Variants in RGL3 observed in about 807,000 individuals in gnomAD.
The protein encoded by RGL3 is ral guanine nucleotide dissociation stimulator-like 3.
RGL3 carries 85 observed loss-of-function variants against 90.6 expected under a neutral mutation model. The ratio of observed to expected loss-of-function variants is 0.94; its 90% CI spans 0.79 to 1.12. The LOEUF (loss-of-function observed/expected upper bound fraction) is 1.12, where lower values mean the gene tolerates loss of function less well. RGL3 is among the 50% of genes most tolerant of loss of function. RGL3 has a pLI of 0.00. For synonymous variants in RGL3, 408 were observed against 385.5 expected (o/e 1.06, Z -0.68); for missense variants, 1,034 against 939.2 (o/e 1.10, Z -1.32).
chr19:11,406,331 A>G, intron 7 of RGL3, 88 bp downstream of exon 7: 1 of 1,289,772 alleles, frequency 7.8e-7, no homozygotes, highest in Non-Finnish European at 1.1e-6. Flanking sequence ...CCTCGCCTAG[A>G]CTCGCCCCTA....
In RGL3 at chr19:11,408,580, A is replaced by G. The variant is rs1968821835; in HGVS notation, c.638-1716T>C. On this transcript the variant is annotated intron_variant, in intron 5 of 18. Transcript: ENST00000380456. ...CAGCCTGGCGACAGAGCGAGACTCC[A>G]TCTCAAAAAAAAAAAAAAAGATCAT... is the stretch of plus-strand genomic sequence containing the variant. Among the ~76,000 whole-genome samples the G allele has an allele frequency of 4.2e-5, 6 of 144,242 alleles. No homozygotes were observed. The South Asian group carries it at 1.4e-3, about 35-fold the overall frequency. 94.6% of individuals were successfully genotyped at this position (144,242 alleles called of 152,430 possible). A position where few individuals can be genotyped will look rare whatever the true frequency, so the allele number is the denominator to read the frequency against.
intron 5 of RGL3, among the ~76,000 whole-genome samples, chr19:11,407,383 T>C (rs1361167222): frequency 6.6e-6 from 1 of 151,960 alleles, no homozygotes; most frequent in Non-Finnish European, 1.5e-5. Context: ...GTGAGTCCAG[T>C]GAGGGAGGTA....
In RGL3 at chr19:11,404,979, G is replaced by A. The variant is rs533568377; in HGVS notation, c.1185+168C>T. On this transcript the variant is annotated intron_variant, in intron 9 of 18. Transcript: ENST00000380456. ...ACAGTCAACTATAACGCAGGAAGTA[G>A]AGGAAAGAAAAACGTGCAACCCGCC... Among the ~76,000 whole-genome samples the A allele has an allele frequency of 2.0e-5, 3 of 152,228 alleles. No homozygotes were observed. In the East Asian group the frequency reaches 5.8e-4, roughly 29 times the overall value.
At chr19:11,402,612 G>A (rs1231026740) in intron 10 of RGL3, 38 bp downstream of exon 10, 2 of 1,612,986 alleles carry the variant, frequency 1.2e-6, no homozygotes, top group Admixed American at 1.7e-5. Flanking sequence ...CCTCCCTGAA[G>A]GTCCCACTTG....
At position 11,419,286 on chromosome 19, in the gene RGL3, G is replaced by T. The variant is rs1403034359; in HGVS notation, c.-8C>A. The T allele has an allele frequency of 1.9e-6, 3 of 1,561,662 alleles. No homozygotes were observed. The South Asian group carries it at 3.5e-5, about 18-fold the overall frequency. On this transcript the variant is annotated 5_prime_UTR_variant, in exon 1 of 19. Transcript: ENST00000380456. ...GCCTGCTGTGCGCTCCATGGCCGGC[G>T]CCCGTCCCTCTCAGTGGCGCCGCTG...
Position 11,406,454 on chromosome 19 carries a change from C to T in RGL3, c.961G>A (p.Ala321Thr). The T allele has an allele frequency of 6.5e-7, 1 of 1,547,296 alleles. No homozygotes were observed. The highest frequency in any genetic ancestry group is 1.4e-5 in the African/African-American group (1 of 73,646). Residue 321 changes from alanine (A) to threonine (T), a missense_variant, in exon 7 of 19, where the codon GCG becomes ACG. Ala to Thr is a moderately conservative substitution (Grantham distance 58). Coordinates refer to ENST00000380456, the MANE Select transcript of RGL3 (RefSeq NM_001035223.4). ...GAPGLAAPQR[A>T]QRLEKWIRIA... Reference sequence around the variant, plus strand: ...CGGATCCACTTCTCCAGCCGCTGCGCCCTCTGCGGGGCGGCCAAGCCCGGT... The same window carrying T: ...CGGATCCACTTCTCCAGCCGCTGCGTCCTCTGCGGGGCGGCCAAGCCCGGT...
rs1012810757 is a variant in RGL3 at position 11,405,417 on chromosome 19, C to A, written c.1006G>T (p.Glu336Ter). Residue 336 changes from glutamate to a stop codon, truncating the protein, a stop_gained, in exon 8 of 19, where the codon GAA becomes TAA. Coordinates refer to ENST00000380456, the MANE Select transcript of RGL3 (RefSeq NM_001035223.4). LOFTEE classifies it high-confidence loss of function. Reference sequence around the variant, plus strand: ...CGCAAGGAGGAGAAGTTCCGCAGTTCTCGGCAGCGCTGCCAGGCGGTGGGG... The same window carrying A: ...CGCAAGGAGGAGAAGTTCCGCAGTTATCGGCAGCGCTGCCAGGCGGTGGGG... ...KWIRIAQRCRELRNFSSLRAI... is the reference protein window; with the variant it reads ...KWIRIAQRCR 2.0e-6 allele frequency: 3 copies of A among 1,515,180 alleles called. No homozygotes were observed. The highest frequency in any genetic ancestry group is 1.8e-6 in the Non-Finnish European group (2 of 1,120,744). The allele number at this position is 1,515,180 out of a possible 1,614,324, so 93.9% of individuals were successfully genotyped here.
At chr19:11,406,360 A>G in intron 7 of RGL3, 59 bp downstream of exon 7, 1 of 1,476,906 alleles carries the variant, frequency 6.8e-7, no homozygotes, top group Non-Finnish European at 9.1e-7. Flanking sequence ...CGGAGCCCTC[A>G]TTTTTTCCCC....
Position 11,416,762 on chromosome 19 carries a change from C to G in RGL3, c.371+74G>C, listed in dbSNP as rs777416571. The G allele has an allele frequency of 5.0e-6, 8 of 1,590,962 alleles. No individual in the cohort carries two copies. In the East Asian group the frequency reaches 1.3e-4, roughly 27 times the overall value. ...CTGGGAGGTGTTTCCAGGTTCCACACCTGAGGAGGTGGAGGGGGGTGCCCA... is the reference window on the plus strand; with the variant it reads ...CTGGGAGGTGTTTCCAGGTTCCACAGCTGAGGAGGTGGAGGGGGGTGCCCA... On this transcript the variant is annotated intron_variant, in intron 3 of 18. Transcript: ENST00000380456.
chr19:11,419,273 C>T lies in RGL3; in HGVS notation c.6G>A (p.Glu2=), dbSNP rs1404923968. The change falls in exon 1 of 19, where the codon GAG becomes GAA. Residue 2 remains glutamate (E), a synonymous_variant. Transcript: ENST00000380456. M[E]RTAGKELALA... The stretch of plus-strand genomic sequence containing the variant: ...GGGCCAGCTCTTTGCCTGCTGTGCG[C>T]TCCATGGCCGGCGCCCGTCCCTCTC... The T allele has an allele frequency of 1.9e-6, 3 of 1,583,662 alleles. No homozygotes were observed. The highest frequency in any genetic ancestry group is 2.6e-6 in the Non-Finnish European group (3 of 1,167,002).
At position 11,418,754 on chromosome 19, in the gene RGL3, C is replaced by G; in HGVS notation, c.64G>C (p.Glu22Gln). 6.4e-7 allele frequency: 1 copy of G among 1,571,778 alleles called. No individual in the cohort carries two copies. The highest frequency in any genetic ancestry group is 2.3e-5 in the East Asian group (1 of 43,350). ...APLQDWGEET[E>Q]DGAVYSVSLR... ...GAGACACTGTACACCGCGCCGTCCT[C>G]GGTCTCTTCACCCCAGTCCTGCAGC... The change falls in exon 2 of 19, where the codon GAG (glutamate) becomes CAG (glutamine). Residue 22 changes from glutamate (E) to glutamine (Q), a missense_variant. Transcript: ENST00000380456.
chr19:11,418,509 G>T, intron 2 of RGL3, 162 bp downstream of exon 2: 11 of 551,922 alleles, frequency 2.0e-5, no homozygotes, highest in Admixed American at 7.0e-5. Flanking sequence ...CCACTTACCT[G>T]GCCGCCCCCA....
chr19:11,397,511 GCT>G lies in RGL3; in HGVS notation c.1831_1832del (p.Ser611LeufsTer13). On this transcript the variant is annotated frameshift_variant, in exon 17 of 19. Coordinates refer to ENST00000380456, the MANE Select transcript of RGL3 (RefSeq NM_001035223.4). LOFTEE classifies it high-confidence loss of function. ...SPRIPLPAQQ[S>X]SEARVIRVSI... ...TGACGCGGATGACACGGGCCTCCGA[GCT>G]CTGCTGCGCCGGGAGGGGGATTCGA... 1 of 1,613,594 alleles carries G rather than the reference GCT, an allele frequency of 6.2e-7. No individual in the cohort carries two copies. The highest frequency in any genetic ancestry group is 8.5e-7 in the Non-Finnish European group (1 of 1,179,852).
rs1968524251 is a variant in RGL3, at chr19:11,394,134, T to C, written c.*268A>G. ...GTCTCTAACATTTATAAGATTTCTCTGGGGAGGGATTTGACGTATCCATGC... is the reference window on the plus strand; with the variant it reads ...GTCTCTAACATTTATAAGATTTCTCCGGGGAGGGATTTGACGTATCCATGC... On this transcript the variant is annotated 3_prime_UTR_variant, in exon 19 of 19. Coordinates refer to ENST00000380456, the MANE Select transcript of RGL3 (RefSeq NM_001035223.4). The C allele has an allele frequency of 7.1e-5, 27 of 381,024 alleles. No homozygotes were observed. In the South Asian group the frequency reaches 9.9e-4, roughly 14 times the overall value. The allele number at this position is 381,024 out of a possible 1,614,324, so 23.6% of individuals were successfully genotyped here.
rs914603157 is a variant in RGL3 at position 11,416,448 on chromosome 19, C to T, written c.425+166G>A. On this transcript the variant is annotated intron_variant, in intron 4 of 18. Transcript: ENST00000380456. ...TCCTGACCTCCAGTGATCCACCTGCCTCGGCCTCCCAAAGTGTTGGGATTA... is the reference window on the plus strand; with the variant it reads ...TCCTGACCTCCAGTGATCCACCTGCTTCGGCCTCCCAAAGTGTTGGGATTA... The T allele has an allele frequency of 9.7e-5, 72 of 745,466 alleles. No homozygotes were observed. In the Admixed American group the frequency reaches 1.3e-3, roughly 14 times the overall value. The allele number at this position is 745,466 out of a possible 1,614,324, so 46.2% of individuals were successfully genotyped here.
Position 11,406,727 on chromosome 19 carries a change from C to A in RGL3, c.775G>T (p.Asp259Tyr), listed in dbSNP as rs551130927. 3.0e-5 allele frequency: 48 copies of A among 1,613,914 alleles called. No homozygotes were observed. The Admixed American group carries it at 7.3e-4, about 25-fold the overall frequency. Reference protein sequence around the residue: ...DEVAEQLTLIDLELFSKVRLY... With the variant: ...DEVAEQLTLIYLELFSKVRLY... ...ACCCTGTCCGGGATCCTCACCAAGT[C>A]TATGAGGGTCAGCTGCTCGGCCACC... The change falls in exon 6 of 19, where the codon GAC becomes TAC. Residue 259 changes from aspartate to tyrosine, a missense_variant. Physicochemically the swap from Asp to Tyr is radical, Grantham distance 160. Coordinates refer to ENST00000380456, the MANE Select transcript of RGL3 (RefSeq NM_001035223.4).
rs190335928 is a variant in RGL3, at chr19:11,406,951, G to C, written c.638-87C>G. On this transcript the variant is annotated intron_variant, in intron 5 of 18. Transcript: ENST00000380456. ...GGGTGAGTCCCTGTCCCTCTCTGAGGCTCACTTTCCTCATTTGTAAAACGG... is the reference window on the plus strand; with the variant it reads ...GGGTGAGTCCCTGTCCCTCTCTGAGCCTCACTTTCCTCATTTGTAAAACGG... The C allele has an allele frequency of 3.5e-4, 465 of 1,332,612 alleles. 6 individuals carry two copies. Among genetic ancestry groups the C allele is most frequent in the Non-Finnish European group, 4.6e-5 (45 of 976,240 alleles). 82.5% of individuals were successfully genotyped at this position (1,332,612 alleles called of 1,614,324 possible). A position where few individuals can be genotyped will look rare whatever the true frequency, so the allele number is the denominator to read the frequency against.
chr19:11,402,582 AC>A, intron 10 of RGL3, 41 bp from the exon 11 acceptor site: 1 of 1,604,970 alleles, frequency 6.2e-7, no homozygotes, highest in Non-Finnish European at 8.5e-7. Context: ...GCCATTACTG[AC>A]CCCATCACCA....
In RGL3 at chr19:11,400,211, C is replaced by G; in HGVS notation, c.1571G>C (p.Arg524Pro). 1 of 1,587,742 alleles carries G rather than the reference C, an allele frequency of 6.3e-7. No homozygotes were observed. The highest frequency in any genetic ancestry group is 8.6e-7 in the Non-Finnish European group (1 of 1,166,060). The stretch of plus-strand genomic sequence containing the variant: ...ACACCCCGAGACTCACGCACTGAGA[C>G]GCTTGGTGAGGCTGATCCGCCGTCG... ...RIRRRISLTK[R>P]LSAKLAREKS... The change falls in exon 14 of 19, where the codon CGT (arginine) becomes CCT (proline). Residue 524 changes from arginine to proline, a missense_variant. Arg to Pro is a moderately radical substitution (Grantham distance 103). Transcript: ENST00000380456.
Sources: allele counts gnomAD v4.1 joint callset (sites outside exome capture counted in the v4.1 genomes callset), GRCh38; gene constraint gnomAD v4.1.1; transcripts MANE v1.5; gene names NCBI Gene and HGNC (gene_info 2026-07-23, HGNC 2026-07-21).